DOCK7: variants seen among roughly 807,000 people sequenced by gnomAD.
DOCK7 encodes dedicator of cytokinesis protein 7.
Under a neutral mutation model 271.0 loss-of-function variants are expected in DOCK7, and 138 were observed. The observed-to-expected ratio is 0.51, with a 90% confidence interval of 0.44 to 0.59. The LOEUF is 0.59. DOCK7 is among the 20% of genes least tolerant of loss of function. DOCK7 has a pLI of 0.00. For synonymous variants in DOCK7, 823 were observed against 876.1 expected (o/e 0.94, Z 1.07); for missense variants, 2,066 against 2,592.4 (o/e 0.80, Z 4.41).
rs979058028 is a variant in DOCK7 at position 62,561,654 on chromosome 1, T to C, written c.2162A>G (p.Asn721Ser). Reference sequence around the variant, plus strand: ...AGACGAAACAGCAACAACTTCAACATTAAAAACACCTTTGTGATTATCTAC... The same window carrying C: ...AGACGAAACAGCAACAACTTCAACACTAAAAACACCTTTGTGATTATCTAC... ...KWVDNHKGVF[N>S]VEVVAVSSIH... Residue 721 changes from asparagine (N) to serine (S), a missense_variant, in exon 19 of 50, where the codon AAT (asparagine) becomes AGT (serine). Transcript: ENST00000635253. 13 of 1,573,646 alleles carry C rather than the reference T, an allele frequency of 8.3e-6. No individual in the cohort carries two copies. Among genetic ancestry groups the C allele is most frequent in the Non-Finnish European group, 1.0e-5 (12 of 1,166,520 alleles).
At chr1:62,538,972 A>T (rs1301947928) in intron 27 of DOCK7, among the ~76,000 whole-genome samples, 2 of 152,216 alleles carry the variant, frequency 1.3e-5, no homozygotes, top group African/African-American at 4.8e-5. Flanking sequence ...ACCAATAACT[A>T]ATGTTTTCTA....
Position 62,578,974 on chromosome 1 carries a change from CAAAA to C in DOCK7, c.1872-12_1872-9del, listed in dbSNP as rs199915737. The C allele has an allele frequency of 4.1e-5, 52 of 1,275,826 alleles. No homozygotes were observed. The highest frequency in any genetic ancestry group is 2.1e-4 in the South Asian group (11 of 51,228). 79.0% of individuals were successfully genotyped at this position (1,275,826 alleles called of 1,614,324 possible). A position where few individuals can be genotyped will look rare whatever the true frequency, so the allele number is the denominator to read the frequency against. ...TCATGAAAATCAGGAGACCTTCATA[CAAAA>C]AAAAAAAAAAATCAACAGTCAGTAA... On this transcript the variant is annotated splice_polypyrimidine_tract_variant and intron_variant, in intron 16 of 49. Coordinates refer to ENST00000635253, the MANE Select transcript of DOCK7 (RefSeq NM_001367561.1).
intron 29 of DOCK7, chr1:62,530,943 CAAT>C (rs1314909516): frequency 1.3e-5 from 2 of 152,392 alleles, no homozygotes; most frequent in East Asian, 3.9e-4. Context: ...CCTGGGGCCT[CAAT>C]AATGTTTCCC....
chr1:62,685,935 A>G (rs951937566), intron 1 of DOCK7, among the ~76,000 whole-genome samples: 2 of 152,224 alleles, frequency 1.3e-5, no homozygotes, highest in Admixed American at 6.5e-5. Context: ...ATAACTTCTT[A>G]GAAAGCTGTT....
At position 62,686,176 on chromosome 1, in the gene DOCK7, T is replaced by A. The variant is rs1325254240; in HGVS notation, c.38+2051A>T. 3.7e-3 allele frequency among the ~76,000 whole-genome samples: 2 copies of A among 536 alleles called. 1 individual carries two copies. The highest frequency in any genetic ancestry group is 3.8e-3 in the African/African-American group (2 of 524). 0.4% of individuals were successfully genotyped at this position (536 alleles called of 152,430 possible). ...TAATAACTTTTTTTTTTTTTTTTTTTTTTTTTTTTTTTTTTTGAGACGGAG... is the reference window on the plus strand; with the variant it reads ...TAATAACTTTTTTTTTTTTTTTTTTATTTTTTTTTTTTTTTTGAGACGGAG... On this transcript the variant is annotated intron_variant, in intron 1 of 49. Coordinates refer to ENST00000635253, the MANE Select transcript of DOCK7 (RefSeq NM_001367561.1).
At chr1:62,604,440 T>A (rs1650642983) in intron 14 of DOCK7, 1 of 892,578 alleles carries the variant, frequency 1.1e-6, no homozygotes, top group East Asian at 2.6e-5. Context: ...AGATTTTCTA[T>A]TTTTTGGTAG....
chr1:62,559,343 T>C (rs1303917684), intron 19 of DOCK7, 123 bp from the exon 20 acceptor site: 12 of 607,742 alleles, frequency 2.0e-5, no homozygotes, highest in Non-Finnish European at 3.1e-5. Context: ...CAAGTAGGTA[T>C]ACAAACATTG....
chr1:62,532,254 CA>C (rs1645197447), intron 29 of DOCK7, among the ~76,000 whole-genome samples: 1 of 152,060 alleles, frequency 6.6e-6, no homozygotes, highest in Admixed American at 6.5e-5. Context: ...AGGCTGGTCT[CA>C]AACTCCTGAC....
At chr1:62,554,730 A>G (rs748640831) in intron 21 of DOCK7, among the ~76,000 whole-genome samples, 1 of 152,202 alleles carries the variant, frequency 6.6e-6, no homozygotes, top group Non-Finnish European at 1.5e-5. Context: ...GAATTCTAAT[A>G]GTGTACTGAA....
rs749836480 is a variant in DOCK7, at chr1:62,559,186, T to C, written c.2234A>G (p.Asn745Ser). 1.2e-5 allele frequency: 19 copies of C among 1,613,400 alleles called. No homozygotes were observed. The Admixed American group carries it at 1.7e-4, about 14-fold the overall frequency. Reference sequence around the variant, plus strand: ...TGGGAACAGGTGTTCATCCAGAGCATTGACCAGAGCAAAAAATTTGTCAAG... The same window carrying C: ...TGGGAACAGGTGTTCATCCAGAGCACTGACCAGAGCAAAAAATTTGTCAAG... ...PYLDKFFALV[N>S]ALDEHLFPVR... is the part of the protein sequence containing the mutation. The change falls in exon 20 of 50, where the codon AAT becomes AGT. Residue 745 changes from asparagine to serine, a missense_variant. Asn to Ser is a conservative substitution (Grantham distance 46). This residue lies in a region of DOCK7 where 1,414 missense variants were observed against 1,670.4 expected (regional missense o/e 0.85). Coordinates refer to ENST00000635253, the MANE Select transcript of DOCK7 (RefSeq NM_001367561.1).
At chr1:62,465,680 T>C (rs958803235) in intron 48 of DOCK7, among the ~76,000 whole-genome samples, 3 of 151,992 alleles carry the variant, frequency 2.0e-5, no homozygotes, top group African/African-American at 7.2e-5. Flanking sequence ...GTCTCCGGAG[T>C]ACCTGGGATT....
chr1:62,601,092 C>G, intron 14 of DOCK7: 1 of 1,586,004 alleles, frequency 6.3e-7, no homozygotes, highest in South Asian at 1.1e-5. Flanking sequence ...CTCAGAAGGA[C>G]TAGTATTCAA....
intron 35 of DOCK7, among the ~76,000 whole-genome samples, chr1:62,507,633 T>TA (rs1557642295): frequency 6.6e-6 from 1 of 152,224 alleles, no homozygotes. Context: ...CCAGTTTATC[T>TA]ATATGTAGCT....
intron 48 of DOCK7, among the ~76,000 whole-genome samples, chr1:62,464,631 G>A (rs746355251): frequency 6.6e-5 from 10 of 151,806 alleles, no homozygotes; most frequent in Non-Finnish European, 1.2e-4. Flanking sequence ...GCAGTAAGCC[G>A]AGATCGCGCC....
At chr1:62,676,296 C>T (rs11208003) in intron 1 of DOCK7, among the ~76,000 whole-genome samples, 19,452 of 152,186 alleles carry the variant, frequency 0.13, 1,468 homozygotes, top group Non-Finnish European at 0.17. Flanking sequence ...TTGCATGATT[C>T]TCTTTATGTG....
chr1:62,488,818 T>C (rs1441178276), intron 42 of DOCK7, 116 bp downstream of exon 42: 7 of 1,326,984 alleles, frequency 5.3e-6, no homozygotes, highest in Admixed American at 1.8e-5. Flanking sequence ...CGCTCATTTG[T>C]AGTCTGATTA....
intron 1 of DOCK7, among the ~76,000 whole-genome samples, chr1:62,681,225 G>T (rs1164776926): frequency 6.6e-6 from 1 of 152,092 alleles, no homozygotes; most frequent in Non-Finnish European, 1.5e-5. Context: ...ATGAGTTCAT[G>T]TCCTTTGTAG....
chr1:62,477,473 A>T (rs769298098), intron 44 of DOCK7, among the ~76,000 whole-genome samples: 1 of 152,204 alleles, frequency 6.6e-6, no homozygotes, highest in Non-Finnish European at 1.5e-5. Context: ...GGGTTTCTAA[A>T]ATATGTGTGA....
chr1:62,471,722 G>T (rs1382894964), intron 48 of DOCK7, among the ~76,000 whole-genome samples: 1 of 152,014 alleles, frequency 6.6e-6, no homozygotes, highest in Non-Finnish European at 1.5e-5. Flanking sequence ...TTTAACAAAA[G>T]AAAAAGATCC....
Sources: gnomAD v4.1 joint callset for allele counts (sites outside exome capture counted in the v4.1 genomes callset) on GRCh38, gnomAD v4.1.1 for gene constraint, gnomAD v4.1.1 regional missense constraint, MANE v1.5 for transcripts, NCBI Gene and HGNC (gene_info 2026-07-23, HGNC 2026-07-21) for gene names.